DSCAM: variants seen among roughly 807,000 people sequenced by gnomAD.
The protein encoded by DSCAM is cell adhesion molecule DSCAM.
Under a neutral mutation model 217.7 loss-of-function variants are expected in DSCAM, and 47 were observed. The observed-to-expected ratio is 0.22, with a 90% CI of 0.17 to 0.28. DSCAM has a LOEUF of 0.28. DSCAM is among the 10% of genes least tolerant of loss of function. The pLI, the probability that DSCAM is intolerant of heterozygous loss-of-function variation, is 1.00. For missense variants in DSCAM, 2,080 were observed against 2,618.3 expected (o/e 0.79, Z 4.49); for synonymous variants, 1,056 against 1,015.3 (o/e 1.04, Z -0.76).
At chr21:40,271,206 G>C (rs1032612834) in intron 11 of DSCAM, among the ~76,000 whole-genome samples, 3 of 152,164 alleles carry the variant, frequency 2.0e-5, no homozygotes, top group Non-Finnish European at 4.4e-5. Context: ...ATGGAGGAGG[G>C]AGACCACATT....
intron 11 of DSCAM, among the ~76,000 whole-genome samples, chr21:40,244,049 G>A (rs577452709): frequency 6.6e-6 from 1 of 152,262 alleles, no homozygotes; most frequent in African/African-American, 2.4e-5. Context: ...ACAAGGAGGA[G>A]ACCATTTTTA....
chr21:40,585,179 C>CTTTCTTTTT lies in DSCAM; in HGVS notation c.508+107630_508+107631insAAAAAGAAA, dbSNP rs371140909. ...GTAGAACCGCGAGACAAATCAACTT[C>CTTTCTTTTT]TTTTTTTTTTTTTTTACAACTTACC... On this transcript the variant is annotated intron_variant, in intron 3 of 32. Transcript: ENST00000400454. Among the ~76,000 whole-genome samples the CTTTCTTTTT allele has an allele frequency of 5.4e-3, 791 of 145,920 alleles. 15 individuals carry two copies. Among genetic ancestry groups the CTTTCTTTTT allele is most frequent in the South Asian group, 8.5e-3 (39 of 4,602 alleles).
At chr21:40,231,783 G>A (rs2091384554) in intron 11 of DSCAM, among the ~76,000 whole-genome samples, 1 of 152,178 alleles carries the variant, frequency 6.6e-6, no homozygotes, top group Non-Finnish European at 1.5e-5. Context: ...GATTACAGGA[G>A]TGAGCCACCC....
chr21:40,781,152 G>A (rs2091540692), intron 1 of DSCAM, among the ~76,000 whole-genome samples: 3 of 152,120 alleles, frequency 2.0e-5, no homozygotes, highest in Admixed American at 2.0e-4. Context: ...GGGATTACAG[G>A]AGCGTGCCAC....
chr21:40,130,438 A>C lies in DSCAM; in HGVS notation c.3562+3416T>G, dbSNP rs1293949566. On this transcript the variant is annotated intron_variant, in intron 19 of 32. Coordinates refer to ENST00000400454, the MANE Select transcript of DSCAM (RefSeq NM_001389.5). Reference sequence around the variant, plus strand: ...ACTGTGAGCAGTAGTCACAGACCCCAAAAAATATGTCCATGCACCTGAGTC... The same window carrying C: ...ACTGTGAGCAGTAGTCACAGACCCCCAAAAATATGTCCATGCACCTGAGTC... Among the ~76,000 whole-genome samples the C allele has an allele frequency of 4.6e-5, 7 of 152,214 alleles. No individual in the cohort carries two copies. The East Asian group carries it at 7.7e-4, about 17-fold the overall frequency.
rs147967422 is a variant in DSCAM, at chr21:40,595,994, T to C, written c.508+96816A>G. On this transcript the variant is annotated intron_variant, in intron 3 of 32. Transcript: ENST00000400454. ...GCATGTGCGTGTCTGGACTGATTCT[T>C]AGGCCCTGCTGGCCTGTGGTTTTCC... Among the ~76,000 whole-genome samples, 219 of 152,312 alleles carry C rather than the reference T, an allele frequency of 1.4e-3. 3 individuals carry two copies. In the East Asian group the frequency reaches 0.036, roughly 25 times the overall value.
chr21:40,618,658 T>C (rs1456325689), intron 3 of DSCAM: 1 of 135,562 alleles, frequency 7.4e-6, no homozygotes, highest in Non-Finnish European at 1.6e-5. Flanking sequence ...TACAGAGAAC[T>C]CTGAGAAAAA....
chr21:40,846,292 C>T (rs1309543947), intron 1 of DSCAM, among the ~76,000 whole-genome samples: 1 of 152,086 alleles, frequency 6.6e-6, no homozygotes. Flanking sequence ...TGGCAATCTT[C>T]CTGTCTCTCC....
At chr21:40,676,205 G>A (rs1374078458) in intron 3 of DSCAM, among the ~76,000 whole-genome samples, 1 of 152,110 alleles carries the variant, frequency 6.6e-6, no homozygotes, top group East Asian at 1.9e-4. Flanking sequence ...TAAATATTTT[G>A]ATAAAACAAG....
chr21:40,727,253 C>G (rs1313222623), intron 1 of DSCAM, among the ~76,000 whole-genome samples: 1 of 152,070 alleles, frequency 6.6e-6, no homozygotes, highest in African/African-American at 2.4e-5. Context: ...TGATTGGAAC[C>G]CTGGTTAAAT....
chr21:40,044,795 G>T (rs554495165), intron 30 of DSCAM, among the ~76,000 whole-genome samples: 1 of 152,260 alleles, frequency 6.6e-6, no homozygotes, highest in African/African-American at 2.4e-5. Context: ...AACTTCCTGG[G>T]CATCGTCATA....
intron 14 of DSCAM, among the ~76,000 whole-genome samples, chr21:40,186,782 C>G (rs569981626): frequency 6.6e-6 from 1 of 152,138 alleles, no homozygotes; most frequent in South Asian, 2.1e-4. Context: ...GCTCGGGAAA[C>G]GGGAAGTGAA....
At chr21:40,375,447 T>A (rs1418121709) in intron 3 of DSCAM, among the ~76,000 whole-genome samples, 1 of 152,226 alleles carries the variant, frequency 6.6e-6, no homozygotes, top group Non-Finnish European at 1.5e-5. Flanking sequence ...ATGCTGTACT[T>A]CTTTTAATTG....
intron 20 of DSCAM, among the ~76,000 whole-genome samples, chr21:40,109,494 C>T (rs111386048): frequency 8.5e-5 from 13 of 152,324 alleles, no homozygotes; most frequent in African/African-American, 2.2e-4. Flanking sequence ...GTGTGAGCGA[C>T]GCAGAAGATG....
At chr21:40,315,928 A>G (rs1454630073) in intron 8 of DSCAM, among the ~76,000 whole-genome samples, 1 of 152,208 alleles carries the variant, frequency 6.6e-6, no homozygotes, top group Non-Finnish European at 1.5e-5. Context: ...ACTAAAAGTA[A>G]ATTATAAAGA....
chr21:40,423,186 G>A (rs988418670), intron 3 of DSCAM, among the ~76,000 whole-genome samples: 1 of 152,182 alleles, frequency 6.6e-6, no homozygotes, highest in Non-Finnish European at 1.5e-5. Context: ...ACTTTGCCAG[G>A]CAGTGGCATA....
Position 40,583,152 on chromosome 21 carries a change from T to G in DSCAM, c.508+109658A>C, listed in dbSNP as rs773306132. On this transcript the variant is annotated intron_variant, in intron 3 of 32. Transcript: ENST00000400454. ...TGTTTAGAAAACCAGTACTGAAGTT[T>G]CCAAGAGATCCATTTTATAAATGTA... 8.2e-4 allele frequency among the ~76,000 whole-genome samples: 125 copies of G among 152,262 alleles called. 1 individual carries two copies. In the Middle Eastern group the frequency reaches 0.017, roughly 21 times the overall value.
chr21:40,577,994 G>C (rs560015876), intron 3 of DSCAM, among the ~76,000 whole-genome samples: 2 of 152,134 alleles, frequency 1.3e-5, no homozygotes, highest in East Asian at 3.9e-4. Flanking sequence ...AGTCTATCTG[G>C]CTCTCTTAGC....
At chr21:40,272,186 T>C (rs113576608) in intron 11 of DSCAM, among the ~76,000 whole-genome samples, 2,519 of 152,008 alleles carry the variant, frequency 0.017, 77 homozygotes, top group African/African-American at 0.057. Context: ...GCCTGGAGCA[T>C]AGGGCAGGAT....
Sources: gnomAD v4.1 joint callset for allele counts (sites outside exome capture counted in the v4.1 genomes callset) on GRCh38, gnomAD v4.1.1 for gene constraint, MANE v1.5 for transcripts, NCBI Gene and HGNC (gene_info 2026-07-23, HGNC 2026-07-21) for gene names.